Variants in KDM1B observed in about 807,000 individuals in gnomAD.
The protein encoded by KDM1B is lysine-specific histone demethylase 2.
KDM1B carries 63 observed loss-of-function variants against 107.4 expected under a neutral mutation model. The observed-to-expected ratio is 0.59, with a 90% CI of 0.48 to 0.72. The LOEUF is 0.72. Ranked by LOEUF, KDM1B falls within the 30% of genes least tolerant of loss-of-function variation. The pLI is 0.00. For missense variants in KDM1B, 749 were observed against 1,020.8 expected, an observed-to-expected ratio of 0.73 and a Z score of 3.63; for synonymous variants, 363 against 363.9, an observed-to-expected ratio of 1.00 and a Z score of 0.03.
At chr6:18,217,110 G>A (rs1004408507) in intron 20 of KDM1B, among the ~76,000 whole-genome samples, 1 of 152,144 alleles carries the variant, frequency 6.6e-6, no homozygotes, top group Non-Finnish European at 1.5e-5. Flanking sequence ...CGATGGAAAA[G>A]GGAAGGCCCG....
chr6:18,213,926 C>T lies in KDM1B; in HGVS notation c.2109+145C>T. On this transcript the variant is annotated intron_variant, in intron 19 of 21. Coordinates refer to ENST00000650836, the MANE Select transcript of KDM1B (RefSeq NM_001364614.2). The surrounding 1 kb of genome is among the most constrained non-coding windows in gnomAD (Gnocchi z 5.9). ...TTTATATTCTGGGAGGACACTTGGA[C>T]TGGACATTTTCCTATAGGAAAGGAG... 1.1e-6 allele frequency: 1 copy of T among 885,740 alleles called. No homozygotes were observed. The highest frequency in any genetic ancestry group is 1.7e-6 in the Non-Finnish European group (1 of 575,010). 54.9% of individuals were successfully genotyped at this position (885,740 alleles called of 1,614,324 possible).
At chr6:18,192,921 G>A (rs1409550756) in intron 10 of KDM1B, among the ~76,000 whole-genome samples, 3 of 151,864 alleles carry the variant, frequency 2.0e-5, no homozygotes, top group African/African-American at 4.8e-5. Context: ...GGCTGGGCGC[G>A]GTGGCTCACG....
At chr6:18,181,144 T>G (rs941443359) in intron 7 of KDM1B, among the ~76,000 whole-genome samples, 2 of 152,110 alleles carry the variant, frequency 1.3e-5, no homozygotes, top group African/African-American at 4.8e-5. Flanking sequence ...TCCAGCAATA[T>G]AGAAAAGAAC....
chr6:18,219,863 C>T lies in KDM1B; in HGVS notation c.2385+1978C>T, dbSNP rs559242716. Among the ~76,000 whole-genome samples the T allele has an allele frequency of 2.0e-5, 3 of 152,320 alleles. No homozygotes were observed. The South Asian group carries it at 6.2e-4, about 32-fold the overall frequency. ...CTGGCACTGTGGGCGCTGGAAGCTT[C>T]ATTGTTAGTTATGAAGGCTTCATTT... On this transcript the variant is annotated intron_variant, in intron 21 of 21. Transcript: ENST00000650836.
chr6:18,188,145 G>A, intron 9 of KDM1B, 143 bp downstream of exon 9: 3 of 743,550 alleles, frequency 4.0e-6, no homozygotes, highest in Non-Finnish European at 6.6e-6. Context: ...AGCACTTTGG[G>A]TGGCCGAGGC....
In KDM1B at chr6:18,191,131, C is replaced by T; in HGVS notation, c.785-66C>T. 4.8e-6 allele frequency: 7 copies of T among 1,448,358 alleles called. No homozygotes were observed. Among genetic ancestry groups the T allele is most frequent in the South Asian group, 2.6e-5 (2 of 76,332 alleles). 89.7% of individuals were successfully genotyped at this position (1,448,358 alleles called of 1,614,324 possible). On this transcript the variant is annotated intron_variant, in intron 9 of 21. Transcript: ENST00000650836. This position sits in a 1 kb window ranked among gnomAD's most constrained non-coding sequence, Gnocchi z 5.1. ...AGGCTTACTTTTTGGTTTGCTTTTGCCCTTTAATTCTTCTGGATTTGGAAG... is the reference window on the plus strand; with the variant it reads ...AGGCTTACTTTTTGGTTTGCTTTTGTCCTTTAATTCTTCTGGATTTGGAAG...
At position 18,162,806 on chromosome 6, in the gene KDM1B, C is replaced by G. The variant is rs936497130; in HGVS notation, c.216-29C>G. ...GGGAGGAGAAATGTTTATTCATTAC[C>G]AAAGCTATATGTTTTTCACTATTTT... On this transcript the variant is annotated intron_variant, in intron 4 of 21. Coordinates refer to ENST00000650836, the MANE Select transcript of KDM1B (RefSeq NM_001364614.2). This position sits in a 1 kb window ranked among gnomAD's most constrained non-coding sequence, Gnocchi z 4.1. 10 of 1,264,800 alleles carry G rather than the reference C, an allele frequency of 7.9e-6. No homozygotes were observed. Among genetic ancestry groups the G allele is most frequent in the Non-Finnish European group, 1.2e-5 (10 of 863,086 alleles). The allele number at this position is 1,264,800 out of a possible 1,614,324, so 78.3% of individuals were successfully genotyped here.
intron 10 of KDM1B, among the ~76,000 whole-genome samples, chr6:18,192,911 G>A (rs1787374812): frequency 6.6e-6 from 1 of 151,832 alleles, no homozygotes; most frequent in South Asian, 2.1e-4. Context: ...TGTGTATACC[G>A]GCTGGGCGCG....
At position 18,212,401 on chromosome 6, in the gene KDM1B, A is replaced by T; in HGVS notation, c.1867-87A>T. ...CATGGCAGCCCTTGTTCTTGCCAGTATAACAGCATGGGTTGTTGATACCAG... is the reference window on the plus strand; with the variant it reads ...CATGGCAGCCCTTGTTCTTGCCAGTTTAACAGCATGGGTTGTTGATACCAG... On this transcript the variant is annotated intron_variant, in intron 17 of 21. Coordinates refer to ENST00000650836, the MANE Select transcript of KDM1B (RefSeq NM_001364614.2). The surrounding 1 kb of genome is among the most constrained non-coding windows in gnomAD (Gnocchi z 5.2). The T allele has an allele frequency of 1.2e-6, 1 of 848,784 alleles. No individual in the cohort carries two copies. Among genetic ancestry groups the T allele is most frequent in the South Asian group, 1.3e-5 (1 of 74,692 alleles). The allele number at this position is 848,784 out of a possible 1,614,324, so 52.6% of individuals were successfully genotyped here. A position where few individuals can be genotyped will look rare whatever the true frequency, so the allele number is the denominator to read the frequency against.
chr6:18,174,563 C>T (rs1006996489), intron 7 of KDM1B, among the ~76,000 whole-genome samples: 8 of 151,998 alleles, frequency 5.3e-5, no homozygotes, highest in Admixed American at 1.3e-4. Context: ...ACCCATCACC[C>T]GAGCAGTATA....
In KDM1B at chr6:18,193,194, TAAAAAAA is replaced by T. The variant is rs541938365; in HGVS notation, c.969+1828_969+1834del. ...TGGGCAACAAGAACGAAACTCTGTC[TAAAAAAA>T]AAAAAAAAAAAAAAGAATTTATATA... On this transcript the variant is annotated intron_variant, in intron 10 of 21. Transcript: ENST00000650836. Among the ~76,000 whole-genome samples the T allele has an allele frequency of 6.8e-4, 41 of 60,092 alleles. 1 individual carries two copies. Among genetic ancestry groups the T allele is most frequent in the Admixed American group, 8.6e-4 (4 of 4,638 alleles). 39.4% of individuals were successfully genotyped at this position (60,092 alleles called of 152,430 possible). A position where few individuals can be genotyped will look rare whatever the true frequency, so the allele number is the denominator to read the frequency against.
chr6:18,159,817 CTTGCTCCAGACTGTTAAAAATA>C lies in KDM1B; in HGVS notation c.-13-63_-13-42del. 1.3e-6 allele frequency: 1 copy of C among 798,402 alleles called. No individual in the cohort carries two copies. Among genetic ancestry groups the C allele is most frequent in the African/African-American group, 1.7e-5 (1 of 57,992 alleles). The allele number at this position is 798,402 out of a possible 1,614,324, so 49.5% of individuals were successfully genotyped here. A position where few individuals can be genotyped will look rare whatever the true frequency, so the allele number is the denominator to read the frequency against. On this transcript the variant is annotated intron_variant, in intron 2 of 21. Coordinates refer to ENST00000650836, the MANE Select transcript of KDM1B (RefSeq NM_001364614.2). This position sits in a 1 kb window ranked among gnomAD's most constrained non-coding sequence, Gnocchi z 4.5. ...TCTTACCTACCAAAGTGTATAATAA[CTTGCTCCAGACTGTTAAAAATA>C]TTTGCAGATGCTAATATTTAATGGT...
intron 9 of KDM1B, 41 bp downstream of exon 9, chr6:18,188,043 C>A: frequency 1.3e-6 from 2 of 1,505,578 alleles, no homozygotes; most frequent in Non-Finnish European, 1.8e-6. Context: ...CTATTCCCCG[C>A]TCCCCTCCCT....
At position 18,197,004 on chromosome 6, in the gene KDM1B, G is replaced by A; in HGVS notation, c.970-53G>A. The A allele has an allele frequency of 6.7e-7, 1 of 1,481,858 alleles. No homozygotes were observed. Among genetic ancestry groups the A allele is most frequent in the Non-Finnish European group, 9.3e-7 (1 of 1,076,258 alleles). The allele number at this position is 1,481,858 out of a possible 1,614,324, so 91.8% of individuals were successfully genotyped here. ...ATGGATTGTTTTCCTGCTATTGTTT[G>A]AATTTCTTGGGACTTTTTTAAAAAA... On this transcript the variant is annotated intron_variant, in intron 10 of 21. Transcript: ENST00000650836. The surrounding 1 kb of genome is among the most constrained non-coding windows in gnomAD (Gnocchi z 4.5).
In KDM1B at chr6:18,223,414, A is replaced by T. The variant is rs1162549458; in HGVS notation, c.*1422A>T. On this transcript the variant is annotated 3_prime_UTR_variant, in exon 22 of 22. Transcript: ENST00000650836. ...TGTATATCTCAAAAGTTAACCCAAG[A>T]CAACTCTGATATTTAGGTTATTTGT... The T allele has an allele frequency of 6.8e-6, 1 of 146,316 alleles. No individual in the cohort carries two copies. The highest frequency in any genetic ancestry group is 2.5e-5 in the African/African-American group (1 of 39,502). 9.1% of individuals were successfully genotyped at this position (146,316 alleles called of 1,614,324 possible). A position where few individuals can be genotyped will look rare whatever the true frequency, so the allele number is the denominator to read the frequency against.
intron 6 of KDM1B, among the ~76,000 whole-genome samples, chr6:18,168,315 T>G (rs1785450682): frequency 6.6e-6 from 1 of 152,234 alleles, no homozygotes; most frequent in Admixed American, 6.5e-5. Flanking sequence ...TCTGTGTTTA[T>G]GGATTTATCT....
Position 18,162,881 on chromosome 6 carries a change from G to A in KDM1B, c.262G>A (p.Gly88Arg). 1 of 1,612,566 alleles carries A rather than the reference G, an allele frequency of 6.2e-7. No individual in the cohort carries two copies. Among genetic ancestry groups the A allele is most frequent in the Non-Finnish European group, 8.5e-7 (1 of 1,178,626 alleles). Residue 88 changes from glycine (G) to arginine (R), a missense_variant, in exon 5 of 22, where the codon GGG (glycine) becomes AGG (arginine). Physicochemically the swap from Gly to Arg is moderately radical, Grantham distance 125. Coordinates refer to ENST00000650836, the MANE Select transcript of KDM1B (RefSeq NM_001364614.2). This position sits in a 1 kb window ranked among gnomAD's most constrained non-coding sequence, Gnocchi z 4.1. ...YTSRWYHLSC[G>R]EHFCNECFDH... The stretch of plus-strand genomic sequence containing the variant: ...CTCCCGATGGTATCATCTCTCCTGT[G>A]GGGAACATTTCTGTAATGAATGCTT...
chr6:18,221,771 G>A (rs1428962100), intron 21 of KDM1B, 138 bp from the exon 22 acceptor site: 8 of 683,970 alleles, frequency 1.2e-5, no homozygotes, highest in Admixed American at 2.6e-5. Context: ...CCAGTGTTAC[G>A]ATGGGTGAGT....
chr6:18,200,663 G>A lies in KDM1B; in HGVS notation c.1359+87G>A. ...TGTGCAGTATTAATATGCTTCTAAA[G>A]TAAATTACATATAACAGCCCCCTCA... On this transcript the variant is annotated intron_variant, in intron 13 of 21. Transcript: ENST00000650836. This position sits in a 1 kb window ranked among gnomAD's most constrained non-coding sequence, Gnocchi z 4.3. 3 of 1,272,558 alleles carry A rather than the reference G, an allele frequency of 2.4e-6. No homozygotes were observed. Among genetic ancestry groups the A allele is most frequent in the Non-Finnish European group, 3.2e-6 (3 of 928,494 alleles). 78.8% of individuals were successfully genotyped at this position (1,272,558 alleles called of 1,614,324 possible). A position where few individuals can be genotyped will look rare whatever the true frequency, so the allele number is the denominator to read the frequency against.
Sources: gnomAD v4.1 joint callset for allele counts (sites outside exome capture counted in the v4.1 genomes callset) on GRCh38, gnomAD v4.1.1 for gene constraint, Gnocchi (gnomAD v3.1) non-coding constraint, MANE v1.5 for transcripts, NCBI Gene and HGNC (gene_info 2026-07-23, HGNC 2026-07-21) for gene names.